Variants in AFAP1 observed in about 807,000 individuals in gnomAD.
AFAP1 encodes actin filament-associated protein 1.
Under a neutral mutation model 93.9 loss-of-function variants are expected in AFAP1, and 75 were observed. That is an observed-to-expected ratio of 0.80 (90% CI 0.66 to 0.97). The LOEUF (loss-of-function observed/expected upper bound fraction) is 0.97, where lower values mean the gene tolerates loss of function less well. Among genes scored for constraint, AFAP1 ranks in the 50% least tolerant of loss-of-function variants. The pLI, the probability that AFAP1 is intolerant of heterozygous loss-of-function variation, is 0.00. For synonymous variants in AFAP1, 517 were observed against 430.7 expected (o/e 1.20, Z -2.48); for missense variants, 1,201 against 1,050.8 (o/e 1.14, Z -1.98).
intron 1 of AFAP1, among the ~76,000 whole-genome samples, chr4:7,938,614 C>T (rs980954389): frequency 1.3e-5 from 2 of 152,158 alleles, no homozygotes; most frequent in Non-Finnish European, 2.9e-5. Flanking sequence ...CTGCCTTGGC[C>T]TCATTCCGTG....
At chr4:7,826,543 C>CA (rs1208080939) in intron 6 of AFAP1, among the ~76,000 whole-genome samples, 29 of 152,294 alleles carry the variant, frequency 1.9e-4, no homozygotes, top group African/African-American at 6.3e-4. Flanking sequence ...GCCGGTAGGC[C>CA]AAAAACAAAA....
chr4:7,937,622 G>A (rs779829640), intron 1 of AFAP1, among the ~76,000 whole-genome samples: 8 of 152,126 alleles, frequency 5.3e-5, no homozygotes, highest in Non-Finnish European at 1.0e-4. Flanking sequence ...GAGTAGCTGC[G>A]ATTACAGGCA....
At chr4:7,892,079 C>A (rs1043760174) in intron 1 of AFAP1, among the ~76,000 whole-genome samples, 1 of 152,082 alleles carries the variant, frequency 6.6e-6, no homozygotes, top group Non-Finnish European at 1.5e-5. Context: ...AAGAAAAAAG[C>A]AAACTATGTT....
intron 1 of AFAP1, among the ~76,000 whole-genome samples, chr4:7,899,857 A>AAAATAAAT (rs10523683): frequency 0.02 from 2,916 of 149,250 alleles, 83 homozygotes; most frequent in African/African-American, 0.063. Flanking sequence ...GTGCTCTTTA[A>AAAATAAAT]AAATAAATAA....
intron 6 of AFAP1, among the ~76,000 whole-genome samples, chr4:7,820,454 G>T (rs1160228781): frequency 2.6e-5 from 4 of 152,172 alleles, no homozygotes; most frequent in African/African-American, 9.7e-5. Flanking sequence ...TCAGGGAGAA[G>T]GACCTGGAGC....
At chr4:7,924,445 GATGGAC>G (rs1317373267) in intron 1 of AFAP1, among the ~76,000 whole-genome samples, 1 of 152,182 alleles carries the variant, frequency 6.6e-6, no homozygotes, top group East Asian at 1.9e-4. Flanking sequence ...ATTCCCTAAC[GATGGAC>G]AGACAGGCAA....
chr4:7,858,141 C>T (rs567855389), intron 3 of AFAP1, among the ~76,000 whole-genome samples: 2 of 152,266 alleles, frequency 1.3e-5, no homozygotes, highest in Admixed American at 1.3e-4. Flanking sequence ...ACTTTATTAA[C>T]CTCTACGAGA....
At chr4:7,900,366 GCGCATT>G (rs1553853572) in intron 1 of AFAP1, among the ~76,000 whole-genome samples, 1 of 151,602 alleles carries the variant, frequency 6.6e-6, no homozygotes, top group Non-Finnish European at 1.5e-5. Context: ...ACATTTAGCT[GCGCATT>G]TAGCACAGCT....
chr4:7,860,937 C>T lies in AFAP1; in HGVS notation c.226-5363G>A, dbSNP rs138488695. 5.4e-3 allele frequency among the ~76,000 whole-genome samples: 827 copies of T among 152,316 alleles called. 1 individual carries two copies. The highest frequency in any genetic ancestry group is 8.2e-3 in the Non-Finnish European group (557 of 68,032). On this transcript the variant is annotated intron_variant, in intron 3 of 17. Coordinates refer to ENST00000420658, the MANE Select transcript of AFAP1 (RefSeq NM_001134647.2). ...CTTGCCTCGCCTGCCTCGCTCGCCT[C>T]GCCTCGTGGCTGGCACTCCGCCCTC...
At chr4:7,921,098 AC>A (rs924703755) in intron 1 of AFAP1, among the ~76,000 whole-genome samples, 1 of 151,770 alleles carries the variant, frequency 6.6e-6, no homozygotes, top group African/African-American at 2.4e-5. Flanking sequence ...TCCTGAGTGA[AC>A]CACACATCCT....
rs556892794 is a variant in AFAP1, at chr4:7,765,893, G to A, written c.2419-2102C>T. 6.6e-5 allele frequency among the ~76,000 whole-genome samples: 10 copies of A among 152,278 alleles called. No individual in the cohort carries two copies. The East Asian group carries it at 1.2e-3, about 18-fold the overall frequency. ...AGGAGACAGGGTCTGTGAAAGCCCCGACCACAGCGCCCGGCCACCAAAGAG... is the reference window on the plus strand; with the variant it reads ...AGGAGACAGGGTCTGTGAAAGCCCCAACCACAGCGCCCGGCCACCAAAGAG... On this transcript the variant is annotated intron_variant, in intron 17 of 17. Transcript: ENST00000420658.
intron 5 of AFAP1, among the ~76,000 whole-genome samples, chr4:7,840,280 G>GTGTGTGTGTA (rs1560191643): frequency 7.7e-6 from 1 of 130,574 alleles, no homozygotes; most frequent in Non-Finnish European, 1.7e-5. Flanking sequence ...GTGTGTGTGT[G>GTGTGTGTGTA]TGTGTGTTCC....
intron 1 of AFAP1, among the ~76,000 whole-genome samples, chr4:7,924,323 G>A (rs1034138789): frequency 6.6e-6 from 1 of 152,186 alleles, no homozygotes; most frequent in Non-Finnish European, 1.5e-5. Context: ...CTACACTGAT[G>A]AAGTGGAAAA....
At chr4:7,826,830 T>C (rs933938511) in intron 6 of AFAP1, among the ~76,000 whole-genome samples, 2 of 152,082 alleles carry the variant, frequency 1.3e-5, no homozygotes, top group Non-Finnish European at 2.9e-5. Flanking sequence ...TCCAGGGAAA[T>C]AGGACTCTTG....
At chr4:7,809,069 T>G (rs964383538) in intron 9 of AFAP1, among the ~76,000 whole-genome samples, 1 of 152,120 alleles carries the variant, frequency 6.6e-6, no homozygotes, top group South Asian at 2.1e-4. Flanking sequence ...TTTTGTTTTT[T>G]TTTTTTATAC....
chr4:7,801,609 C>T (rs1043596137), intron 9 of AFAP1, among the ~76,000 whole-genome samples: 3 of 151,838 alleles, frequency 2.0e-5, no homozygotes, highest in South Asian at 2.1e-4. Context: ...ATTTAGAAAG[C>T]GAGATAAATA....
intron 1 of AFAP1, among the ~76,000 whole-genome samples, chr4:7,892,833 G>T (rs1393666648): frequency 6.6e-6 from 1 of 152,162 alleles, no homozygotes; most frequent in Non-Finnish European, 1.5e-5. Context: ...TCAAACGTGG[G>T]ATGTGGTGGG....
chr4:7,813,716 G>A (rs112386961), intron 8 of AFAP1, among the ~76,000 whole-genome samples: 2,179 of 152,268 alleles, frequency 0.014, 39 homozygotes, highest in African/African-American at 0.041. Flanking sequence ...AATAACTTCC[G>A]ATGGACAGAA....
chr4:7,853,522 C>T (rs1004344875), intron 4 of AFAP1, among the ~76,000 whole-genome samples: 1 of 152,136 alleles, frequency 6.6e-6, no homozygotes, highest in African/African-American at 2.4e-5. Flanking sequence ...TTCCCCAGTC[C>T]TCATCCAGCT....
Sources: gnomAD v4.1 joint callset for allele counts (sites outside exome capture counted in the v4.1 genomes callset) on GRCh38, gnomAD v4.1.1 for gene constraint, MANE v1.5 for transcripts, NCBI Gene and HGNC (gene_info 2026-07-23, HGNC 2026-07-21) for gene names.